ODAD2: variants seen among roughly 807,000 people sequenced by gnomAD.
The protein encoded by ODAD2 is outer dynein arm docking complex subunit 2, also known as outer dynein arm-docking complex subunit 2.
In ODAD2, 89 loss-of-function variants were observed where a neutral mutation model predicts 106.8. The ratio of observed to expected loss-of-function variants is 0.83; its 90% confidence interval spans 0.70 to 0.99. The LOEUF is 0.99. Among genes scored for constraint, ODAD2 ranks in the 50% least tolerant of loss-of-function variants. The pLI is 0.00. For missense variants in ODAD2, 1,168 were observed against 1,238.5 expected (o/e 0.94, Z 0.85); for synonymous variants, 404 against 436.2 (o/e 0.93, Z 0.92).
At chr10:27,988,241 A>T (rs1850001762) in intron 2 of ODAD2, among the ~76,000 whole-genome samples, 1 of 151,386 alleles carries the variant, frequency 6.6e-6, no homozygotes, top group Admixed American at 6.6e-5. Flanking sequence ...ATTTCTATAG[A>T]TTTCTACCAC....
At chr10:27,885,545 TATAAATATATAAATATAA>T (rs1450500589) in intron 17 of ODAD2, among the ~76,000 whole-genome samples, 1,116 of 16,620 alleles carry the variant, frequency 0.067, 150 homozygotes, top group South Asian at 0.1. Context: ...TATATATATA[TATAAATATATAAATATAA>T]ATATATATAT....
chr10:27,940,301 A>T (rs953921353), intron 13 of ODAD2, among the ~76,000 whole-genome samples: 2 of 151,912 alleles, frequency 1.3e-5, no homozygotes, highest in Admixed American at 1.3e-4. Flanking sequence ...TGTGTGATAT[A>T]TATATAAATG....
intron 19 of ODAD2, among the ~76,000 whole-genome samples, chr10:27,854,460 AAC>A (rs1349416376): frequency 6.6e-6 from 1 of 152,194 alleles, no homozygotes; most frequent in Non-Finnish European, 1.5e-5. Flanking sequence ...AATATTCATT[AAC>A]AAATGAAAGG....
At chr10:27,938,078 G>C (rs1365508627) in intron 14 of ODAD2, among the ~76,000 whole-genome samples, 1 of 151,970 alleles carries the variant, frequency 6.6e-6, no homozygotes, top group African/African-American at 2.4e-5. Context: ...AGAGTAACTG[G>C]GATTACACCA....
chr10:27,903,272 A>G (rs1014391994), intron 17 of ODAD2, among the ~76,000 whole-genome samples: 6 of 152,198 alleles, frequency 3.9e-5, no homozygotes, highest in African/African-American at 9.7e-5. Context: ...AAAACTCTCA[A>G]TAAACTAATT....
At chr10:27,949,221 G>A (rs934925774) in intron 10 of ODAD2, among the ~76,000 whole-genome samples, 4 of 152,128 alleles carry the variant, frequency 2.6e-5, no homozygotes, top group Non-Finnish European at 5.9e-5. Context: ...ATGCTGGATG[G>A]TTAGCATTAG....
intron 16 of ODAD2, among the ~76,000 whole-genome samples, chr10:27,917,178 A>G (rs1200060386): frequency 6.6e-6 from 1 of 152,140 alleles, no homozygotes; most frequent in East Asian, 1.9e-4. Flanking sequence ...ATCACATATA[A>G]TATCATCCCT....
chr10:27,936,406 C>T lies in ODAD2; in HGVS notation c.2252+320G>A, dbSNP rs775580292. Among the ~76,000 whole-genome samples the T allele has an allele frequency of 4.6e-5, 7 of 152,104 alleles. No homozygotes were observed. The East Asian group carries it at 7.7e-4, about 17-fold the overall frequency. ...ATCTCTAAAGATTCCATGGGAAATCCGCCCACTCACCTTGATAGGTCCCCA... is the reference window on the plus strand; with the variant it reads ...ATCTCTAAAGATTCCATGGGAAATCTGCCCACTCACCTTGATAGGTCCCCA... On this transcript the variant is annotated intron_variant, in intron 15 of 19. Coordinates refer to ENST00000305242, the MANE Select transcript of ODAD2 (RefSeq NM_018076.5).
intron 17 of ODAD2, among the ~76,000 whole-genome samples, chr10:27,877,302 G>A (rs1032275359): frequency 1.3e-5 from 2 of 152,090 alleles, no homozygotes; most frequent in African/African-American, 4.8e-5. Context: ...GCCATACTGG[G>A]AAAAATGACA....
At chr10:27,885,836 TATTTGTTTGGA>T (rs1401456593) in intron 17 of ODAD2, among the ~76,000 whole-genome samples, 1 of 97,600 alleles carries the variant, frequency 1.0e-5, no homozygotes, top group Non-Finnish European at 1.9e-5. Context: ...TAAATATATA[TATTTGTTTGGA>T]TATATATATT....
chr10:27,942,193 T>C (rs778060750), intron 12 of ODAD2, among the ~76,000 whole-genome samples: 21 of 152,228 alleles, frequency 1.4e-4, no homozygotes, highest in Non-Finnish European at 2.5e-4. Context: ...TCACAATCTT[T>C]GCCTTGCAAA....
At chr10:27,998,342 CAAG>C (rs1850678300) in intron 1 of ODAD2, among the ~76,000 whole-genome samples, 1 of 152,066 alleles carries the variant, frequency 6.6e-6, no homozygotes, top group African/African-American at 2.4e-5. Flanking sequence ...AGACTCGTTA[CAAG>C]AAGGGGGCGT....
At chr10:27,873,807 T>C (rs2133469317) in intron 17 of ODAD2, among the ~76,000 whole-genome samples, 1 of 152,338 alleles carries the variant, frequency 6.6e-6, no homozygotes, top group East Asian at 1.9e-4. Context: ...AAGTGTGATG[T>C]GGTGCTGAGA....
chr10:27,994,998 C>A lies in ODAD2; in HGVS notation c.145G>T (p.Ala49Ser). The A allele has an allele frequency of 6.2e-7, 1 of 1,614,178 alleles. No individual in the cohort carries two copies. Among genetic ancestry groups the A allele is most frequent in the Non-Finnish European group, 8.5e-7 (1 of 1,180,042 alleles). ...AGTGGTTCCACAAAAACAAATTTTG[C>A]CTCTTGAGGATGTTTATAGATAAAA... ...ESFIYKHPQE[A>S]KFVFVEPLEW... Residue 49 changes from alanine to serine, a missense_variant, in exon 2 of 20, where the codon GCA (alanine) becomes TCA (serine). This residue lies in a region of ODAD2 where 430 missense variants were observed against 452.2 expected (regional missense o/e 0.95). Transcript: ENST00000305242.
At chr10:27,863,112 C>A (rs904335477) in intron 17 of ODAD2, among the ~76,000 whole-genome samples, 1 of 152,122 alleles carries the variant, frequency 6.6e-6, no homozygotes, top group African/African-American at 2.4e-5. Context: ...TTTGAAGACA[C>A]CTGATTTCAT....
At position 27,926,321 on chromosome 10, in the gene ODAD2, G is replaced by A. The variant is rs1358379878; in HGVS notation, c.2495+8689C>T. ...CAATAAGAGAATTCTGTAAAGTAGCGGGATATAGAATTATCATACAGAATT... is the reference window on the plus strand; with the variant it reads ...CAATAAGAGAATTCTGTAAAGTAGCAGGATATAGAATTATCATACAGAATT... On this transcript the variant is annotated intron_variant, in intron 16 of 19. Coordinates refer to ENST00000305242, the MANE Select transcript of ODAD2 (RefSeq NM_018076.5). Among the ~76,000 whole-genome samples the A allele has an allele frequency of 4.0e-5, 6 of 151,718 alleles. No individual in the cohort carries two copies. The South Asian group carries it at 6.2e-4, about 16-fold the overall frequency.
chr10:27,911,134 C>T (rs1307466100), intron 16 of ODAD2, among the ~76,000 whole-genome samples: 1 of 152,158 alleles, frequency 6.6e-6, no homozygotes, highest in Admixed American at 6.6e-5. Context: ...GGCACTTCAG[C>T]ACTATGTTTA....
chr10:27,969,289 G>A lies in ODAD2; in HGVS notation c.1143-271C>T, dbSNP rs141599016. Among the ~76,000 whole-genome samples the A allele has an allele frequency of 4.6e-3, 674 of 147,910 alleles. 12 individuals are homozygous for A. The highest frequency in any genetic ancestry group is 0.014 in the African/African-American group (533 of 38,628). ...CACTGTTGGTGTGAATCCTGCACCC[G>A]ATGCCTTCTACTCTAGGTATGTATC... is the stretch of plus-strand genomic sequence containing the variant. On this transcript the variant is annotated intron_variant, in intron 8 of 19. Coordinates refer to ENST00000305242, the MANE Select transcript of ODAD2 (RefSeq NM_018076.5).
chr10:27,879,101 G>T (rs1043967601), intron 17 of ODAD2, among the ~76,000 whole-genome samples: 2 of 152,110 alleles, frequency 1.3e-5, no homozygotes, highest in Non-Finnish European at 2.9e-5. Flanking sequence ...AAATGGAATG[G>T]TTGATTTGTT....
Sources: allele counts gnomAD v4.1 joint callset (sites outside exome capture counted in the v4.1 genomes callset), GRCh38; gene constraint gnomAD v4.1.1; regional missense constraint gnomAD v4.1.1; transcripts MANE v1.5; gene names NCBI Gene and HGNC (gene_info 2026-07-23, HGNC 2026-07-21).